The following EYA4 variants were observed in gnomAD, a reference collection of about 807,000 sequenced individuals.
The protein encoded by EYA4 is EYA transcriptional coactivator and phosphatase 4, also known as protein phosphatase EYA4.
In EYA4, 31 loss-of-function variants were observed where a neutral mutation model predicts 87.9. That is an observed-to-expected ratio of 0.35 (90% CI 0.27 to 0.48). The LOEUF is 0.48. Among genes scored for constraint, EYA4 ranks in the 20% least tolerant of loss-of-function variants. The pLI is 0.99. For missense variants in EYA4, 678 were observed against 761.4 expected, an observed-to-expected ratio of 0.89 and a Z score of 1.29; for synonymous variants, 263 against 270.6, an observed-to-expected ratio of 0.97 and a Z score of 0.28.
Position 133,444,957 on chromosome 6 carries a change from GTT to G in EYA4, c.84-1671_84-1670del, listed in dbSNP as rs1227069076. ...TGATATTTAGTGTAATCGTCAATGT[GTT>G]TGAGTTCGAGTGTGCCATCTTGCTT... On this transcript the variant is annotated intron_variant, in intron 3 of 19. Transcript: ENST00000355286. 7.9e-5 allele frequency among the ~76,000 whole-genome samples: 12 copies of G among 152,162 alleles called. No individual in the cohort carries two copies. The South Asian group carries it at 1.0e-3, about 13-fold the overall frequency.
At chr6:133,380,990 TTCC>T in intron 2 of EYA4, among the ~76,000 whole-genome samples, 1 of 149,626 alleles carries the variant, frequency 6.7e-6, no homozygotes, top group Non-Finnish European at 1.5e-5. Context: ...TTTCCTTTTC[TTCC>T]TCTTCTTTTC....
At chr6:133,493,593 T>C (rs1440035007) in intron 13 of EYA4, among the ~76,000 whole-genome samples, 1 of 152,028 alleles carries the variant, frequency 6.6e-6, no homozygotes, top group Non-Finnish European at 1.5e-5. Flanking sequence ...AATGGATAAA[T>C]GGGAGGCATC....
chr6:133,529,581 C>G lies in EYA4; in HGVS notation c.*776C>G, dbSNP rs1356853056. On this transcript the variant is annotated 3_prime_UTR_variant, in exon 20 of 20. Transcript: ENST00000355286. ...TCTTAACATGACCAAATTTAAAAGTCAAGCTCTCAGAGCTTAATTACCGCA... is the reference window on the plus strand; with the variant it reads ...TCTTAACATGACCAAATTTAAAAGTGAAGCTCTCAGAGCTTAATTACCGCA... The G allele has an allele frequency of 1.0e-6, 1 of 981,994 alleles. No homozygotes were observed. Among genetic ancestry groups the G allele is most frequent in the Non-Finnish European group, 1.2e-6 (1 of 828,282 alleles). The allele number at this position is 981,994 out of a possible 1,614,324, so 60.8% of individuals were successfully genotyped here.
At chr6:133,381,230 T>C (rs1366109575) in intron 2 of EYA4, among the ~76,000 whole-genome samples, 2 of 152,072 alleles carry the variant, frequency 1.3e-5, no homozygotes, top group African/African-American at 4.8e-5. Context: ...CAAAAGAGAC[T>C]ACAGAGTTAA....
chr6:133,378,569 T>A (rs2128474330), intron 2 of EYA4, among the ~76,000 whole-genome samples: 1 of 152,212 alleles, frequency 6.6e-6, no homozygotes, highest in East Asian at 1.9e-4. Flanking sequence ...GATCTGGAGT[T>A]GAAATTTGCT....
At chr6:133,524,995 A>G (rs759865619) in intron 18 of EYA4, 159 bp from the exon 19 acceptor site, 1 of 1,589,730 alleles carries the variant, frequency 6.3e-7, no homozygotes, top group Non-Finnish European at 8.6e-7. Flanking sequence ...TGGAAGAATA[A>G]GCAGTGCATT....
chr6:133,415,668 T>C (rs576626332), intron 3 of EYA4, among the ~76,000 whole-genome samples: 3 of 152,354 alleles, frequency 2.0e-5, no homozygotes, highest in Admixed American at 6.5e-5. Context: ...ATGCACAATT[T>C]ACTTAGTTAT....
intron 2 of EYA4, among the ~76,000 whole-genome samples, chr6:133,343,619 G>T (rs1200661251): frequency 3.9e-5 from 5 of 128,290 alleles, no homozygotes; most frequent in Admixed American, 1.9e-4. Context: ...CACTCTGGTA[G>T]ACTGTTTTTC....
chr6:133,377,360 C>CT (rs1349540358), intron 2 of EYA4, among the ~76,000 whole-genome samples: 2 of 151,970 alleles, frequency 1.3e-5, no homozygotes, highest in Non-Finnish European at 2.9e-5. Context: ...AACAGCACAT[C>CT]TCCGTTCAAT....
At chr6:133,388,190 T>C (rs1280948782) in intron 3 of EYA4, among the ~76,000 whole-genome samples, 1 of 152,026 alleles carries the variant, frequency 6.6e-6, no homozygotes, top group Non-Finnish European at 1.5e-5. Flanking sequence ...GTGGATCATC[T>C]GAGGTTGGGA....
At chr6:133,466,436 G>C (rs1794848084) in intron 10 of EYA4, among the ~76,000 whole-genome samples, 1 of 152,086 alleles carries the variant, frequency 6.6e-6, no homozygotes, top group African/African-American at 2.4e-5. Flanking sequence ...TAAAGTGTTA[G>C]GAATTGGTCT....
chr6:133,495,035 G>A (rs1031260834), intron 13 of EYA4, among the ~76,000 whole-genome samples: 6 of 152,076 alleles, frequency 3.9e-5, no homozygotes, highest in Admixed American at 3.3e-4. Flanking sequence ...TTGGGAGGCC[G>A]AAGTGGGCAG....
intron 3 of EYA4, among the ~76,000 whole-genome samples, chr6:133,410,589 CAA>C (rs779978372): frequency 3.1e-5 from 4 of 129,290 alleles, no homozygotes; most frequent in African/African-American, 2.7e-5. Flanking sequence ...TCCTCCTAAC[CAA>C]AAAAAAAAAA....
intron 13 of EYA4, among the ~76,000 whole-genome samples, chr6:133,489,333 T>G (rs1314121807): frequency 2.0e-5 from 3 of 152,036 alleles, no homozygotes; most frequent in Non-Finnish European, 4.4e-5. Flanking sequence ...GCTAGAAGGT[T>G]TATTGAAAAG....
chr6:133,451,213 C>T (rs1439259157), intron 5 of EYA4, among the ~76,000 whole-genome samples: 1 of 152,124 alleles, frequency 6.6e-6, no homozygotes, highest in Non-Finnish European at 1.5e-5. Context: ...ATTTGAATTT[C>T]ATTAAAATGT....
intron 3 of EYA4, among the ~76,000 whole-genome samples, chr6:133,397,755 G>A (rs1198945085): frequency 1.3e-5 from 2 of 152,186 alleles, no homozygotes; most frequent in Admixed American, 6.5e-5. Flanking sequence ...GCCTGGGGAG[G>A]CCTCACAATT....
chr6:133,385,436 T>TGTGTGA (rs748821294), intron 3 of EYA4, among the ~76,000 whole-genome samples: 1 of 121,624 alleles, frequency 8.2e-6, no homozygotes, highest in African/African-American at 2.8e-5. Flanking sequence ...TGTGTGTGTG[T>TGTGTGA]GTGTGAGAGA....
At chr6:133,380,888 T>TCCCTC (rs1016792122) in intron 2 of EYA4, among the ~76,000 whole-genome samples, 2 of 144,928 alleles carry the variant, frequency 1.4e-5, no homozygotes, top group African/African-American at 5.3e-5. Context: ...TTCTTCTTCT[T>TCCCTC]CCCTCCCCTC....
chr6:133,267,841 G>T (rs908807068), intron 1 of EYA4, among the ~76,000 whole-genome samples: 1 of 152,074 alleles, frequency 6.6e-6, no homozygotes. Flanking sequence ...TTGGGGAAAG[G>T]TTACTTCTTA....
Sources: allele counts gnomAD v4.1 joint callset (sites outside exome capture counted in the v4.1 genomes callset), GRCh38; gene constraint gnomAD v4.1.1; transcripts MANE v1.5; gene names NCBI Gene and HGNC (gene_info 2026-07-23, HGNC 2026-07-21).